Variants in UBE2H observed in about 807,000 individuals in gnomAD.
UBE2H encodes ubiquitin-conjugating enzyme E2 H.
In UBE2H, 3 loss-of-function variants were observed where a neutral mutation model predicts 29.0. The ratio of observed to expected loss-of-function variants is 0.10; its 90% CI spans 0.05 to 0.27. UBE2H has a LOEUF of 0.27. UBE2H is among the 10% of genes least tolerant of loss of function. The pLI is 1.00. For missense variants in UBE2H, 68 were observed against 228.2 expected, an observed-to-expected ratio of 0.30 and a Z score of 4.52; for synonymous variants, 69 against 82.9, an observed-to-expected ratio of 0.83 and a Z score of 0.91.
chr7:129,888,478 C>CG (rs199718890), intron 1 of UBE2H, among the ~76,000 whole-genome samples: 3,233 of 150,888 alleles, frequency 0.021, 45 homozygotes, highest in Admixed American at 0.038. Context: ...CATAGCAAGA[C>CG]CCTTTTTTTT....
At chr7:129,891,151 A>G (rs1341892735) in intron 1 of UBE2H, among the ~76,000 whole-genome samples, 2 of 151,700 alleles carry the variant, frequency 1.3e-5, no homozygotes, top group African/African-American at 2.4e-5. Context: ...AAAATAGTCA[A>G]CTTATAAATC....
intron 1 of UBE2H, among the ~76,000 whole-genome samples, chr7:129,942,380 A>T (rs980372912): frequency 6.6e-6 from 1 of 151,912 alleles, no homozygotes; most frequent in Non-Finnish European, 1.5e-5. Context: ...CCAGCTACTC[A>T]GGAGGCTGAG....
intron 1 of UBE2H, among the ~76,000 whole-genome samples, chr7:129,910,934 G>C (rs891962943): frequency 2.0e-5 from 3 of 152,040 alleles, no homozygotes; most frequent in African/African-American, 7.2e-5. Context: ...AAGATGAAAG[G>C]CAGACTGGAA....
intron 1 of UBE2H, among the ~76,000 whole-genome samples, chr7:129,917,569 C>T (rs952144764): frequency 6.6e-6 from 1 of 152,142 alleles, no homozygotes; most frequent in African/African-American, 2.4e-5. Flanking sequence ...GGACACTGGG[C>T]AATACATGCT....
intron 3 of UBE2H, among the ~76,000 whole-genome samples, chr7:129,863,204 A>C (rs1163370398): frequency 6.6e-6 from 1 of 152,206 alleles, no homozygotes; most frequent in Non-Finnish European, 1.5e-5. Flanking sequence ...AACAGAACCA[A>C]AAAGGACTTG....
intron 3 of UBE2H, among the ~76,000 whole-genome samples, chr7:129,872,037 T>C (rs779299719): frequency 1.3e-5 from 2 of 152,068 alleles, no homozygotes; most frequent in South Asian, 2.1e-4. Flanking sequence ...ATATTTTTAG[T>C]AGACACGGGG....
chr7:129,944,256 C>T (rs1012777471), intron 1 of UBE2H, among the ~76,000 whole-genome samples: 6 of 151,720 alleles, frequency 4.0e-5, no homozygotes, highest in East Asian at 2.0e-4. Flanking sequence ...CTCAGGAGGC[C>T]GAGGCAGGAG....
At chr7:129,887,206 A>C (rs938336945) in intron 1 of UBE2H, among the ~76,000 whole-genome samples, 1 of 149,388 alleles carries the variant, frequency 6.7e-6, no homozygotes, top group African/African-American at 2.5e-5. Context: ...TAGCTACTAG[A>C]GCTCTCTTGA....
chr7:129,897,653 A>T (rs986078363), intron 1 of UBE2H, among the ~76,000 whole-genome samples: 1 of 152,230 alleles, frequency 6.6e-6, no homozygotes, highest in Non-Finnish European at 1.5e-5. Flanking sequence ...TGCAATCTAC[A>T]TGCAGAGAAC....
At chr7:129,900,653 G>A (rs892656059) in intron 1 of UBE2H, among the ~76,000 whole-genome samples, 8 of 151,444 alleles carry the variant, frequency 5.3e-5, no homozygotes, top group African/African-American at 1.9e-4. Flanking sequence ...AAGTTTTAGG[G>A]TACATGTGCA....
intron 1 of UBE2H, 29 bp downstream of exon 1, chr7:129,952,474 C>T (rs766671639): frequency 1.9e-6 from 3 of 1,610,492 alleles, no homozygotes; most frequent in Admixed American, 1.7e-5. Flanking sequence ...CCCCCACACA[C>T]AGCCCGAATT....
Position 129,851,908 on chromosome 7 carries a change from A to T in UBE2H, c.298+5603T>A, listed in dbSNP as rs191337094. Among the ~76,000 whole-genome samples the T allele has an allele frequency of 6.6e-5, 10 of 152,220 alleles. No homozygotes were observed. In the South Asian group the frequency reaches 1.9e-3, roughly 28 times the overall value. ...TACGGAGCTAGCTAAGCACTGTTGA[A>T]GCGCAAATCCACAACTGAGCACATT... On this transcript the variant is annotated intron_variant, in intron 5 of 6. Coordinates refer to ENST00000355621, the MANE Select transcript of UBE2H (RefSeq NM_003344.4).
At chr7:129,908,481 C>A (rs1448908217) in intron 1 of UBE2H, among the ~76,000 whole-genome samples, 2 of 152,280 alleles carry the variant, frequency 1.3e-5, no homozygotes, top group African/African-American at 4.8e-5. Flanking sequence ...TGGAGAAACC[C>A]TACTGTGAAA....
rs772999341 is a variant in UBE2H at position 129,952,593 on chromosome 7, T to G, written c.-38A>C. 6.2e-7 allele frequency: 1 copy of G among 1,605,098 alleles called. No individual in the cohort carries two copies. Among genetic ancestry groups the G allele is most frequent in the Non-Finnish European group, 8.5e-7 (1 of 1,177,214 alleles). On this transcript the variant is annotated 5_prime_UTR_variant, in exon 1 of 7. Transcript: ENST00000355621. Reference sequence around the variant, plus strand: ...GCCTCTCTCCCTTCCTCGGCCCGTCTGTCACGGGCCCGGGGCCCCGGCTCT... The same window carrying G: ...GCCTCTCTCCCTTCCTCGGCCCGTCGGTCACGGGCCCGGGGCCCCGGCTCT...
intron 3 of UBE2H, among the ~76,000 whole-genome samples, chr7:129,871,095 T>C (rs1427373455): frequency 3.9e-5 from 6 of 152,218 alleles, no homozygotes; most frequent in Non-Finnish European, 8.8e-5. Context: ...CTATCAGAAG[T>C]TTTAAATTTT....
chr7:129,851,009 C>A (rs1027166870), intron 5 of UBE2H, among the ~76,000 whole-genome samples: 3 of 152,100 alleles, frequency 2.0e-5, no homozygotes, highest in African/African-American at 7.2e-5. Context: ...GGCTACCAGG[C>A]CACCAAACTG....
intron 1 of UBE2H, among the ~76,000 whole-genome samples, chr7:129,910,019 T>C (rs1476628411): frequency 6.6e-6 from 1 of 151,716 alleles, no homozygotes; most frequent in Non-Finnish European, 1.5e-5. Context: ...ATGCAAGGCT[T>C]GAGGTGAATA....
At chr7:129,891,725 A>G (rs2116399787) in intron 1 of UBE2H, among the ~76,000 whole-genome samples, 1 of 151,648 alleles carries the variant, frequency 6.6e-6, no homozygotes, top group East Asian at 2.0e-4. Context: ...CTGCTTGAAC[A>G]GGGAGGCAGA....
At chr7:129,858,840 A>C in intron 4 of UBE2H, 62 bp downstream of exon 4, 3 of 1,489,942 alleles carry the variant, frequency 2.0e-6, no homozygotes, top group African/African-American at 1.4e-5. Context: ...TTTATAACAC[A>C]GAGAAACACT....
Sources: gnomAD v4.1 joint callset for allele counts (sites outside exome capture counted in the v4.1 genomes callset) on GRCh38, gnomAD v4.1.1 for gene constraint, MANE v1.5 for transcripts, NCBI Gene and HGNC (gene_info 2026-07-23, HGNC 2026-07-21) for gene names.